LANCL3: variants seen among roughly 807,000 people sequenced by gnomAD.
The protein encoded by LANCL3 is lanC-like protein 3.
Under a neutral mutation model 26.5 loss-of-function variants are expected in LANCL3, and 19 were observed. That is an observed-to-expected ratio of 0.72 (90% CI 0.50 to 1.05). LANCL3 has a LOEUF of 1.05. Among genes scored for constraint, LANCL3 ranks in the 50% least tolerant of loss-of-function variants. LANCL3 has a pLI of 0.00. For missense variants in LANCL3, 318 were observed against 362.7 expected, an observed-to-expected ratio of 0.88 and a Z score of 1.00; for synonymous variants, 160 against 166.6, an observed-to-expected ratio of 0.96 and a Z score of 0.30.
Position 37,571,867 on chromosome X carries a change from C to T in LANCL3, c.-4C>T, listed in dbSNP as rs1255503403. On this transcript the variant is annotated 5_prime_UTR_variant, in exon 1 of 5. Transcript: ENST00000378619. ...GCTCCGCACTAGGGGGCACGGGCAACAGCATGGACACCAAGCGCTGCTTCG... is the reference window on the plus strand; with the variant it reads ...GCTCCGCACTAGGGGGCACGGGCAATAGCATGGACACCAAGCGCTGCTTCG... 3.2e-5 allele frequency: 38 copies of T among 1,198,091 alleles called. No homozygotes were observed. Among genetic ancestry groups the T allele is most frequent in the Non-Finnish European group, 4.2e-5 (37 of 889,030 alleles).
intron 1 of LANCL3, among the ~76,000 whole-genome samples, chrX:37,619,528 G>C (rs782621492): frequency 2.8e-5 from 3 of 108,694 alleles, no homozygotes; most frequent in Non-Finnish European, 3.8e-5. Flanking sequence ...TTTAAAAACT[G>C]TAAATTTTAG....
chrX:37,617,695 G>A (rs1015106777), intron 1 of LANCL3, among the ~76,000 whole-genome samples: 4 of 111,440 alleles, frequency 3.6e-5, no homozygotes, highest in African/African-American at 1.3e-4. Flanking sequence ...GAGCAAGTGC[G>A]TTTCAGTGGG....
intron 1 of LANCL3, among the ~76,000 whole-genome samples, chrX:37,631,482 G>A (rs1230647221): frequency 9.0e-6 from 1 of 110,994 alleles, no homozygotes; most frequent in Non-Finnish European, 1.9e-5. Flanking sequence ...GTTATTTCTT[G>A]CCTTCTGCTA....
intron 1 of LANCL3, among the ~76,000 whole-genome samples, chrX:37,628,486 G>T (rs1203770682): frequency 9.2e-6 from 1 of 108,823 alleles, no homozygotes; most frequent in African/African-American, 3.4e-5. Flanking sequence ...TAGGGTACAT[G>T]TGCACAATGT....
At chrX:37,578,681 A>C (rs1169396995) in intron 1 of LANCL3, among the ~76,000 whole-genome samples, 1 of 112,151 alleles carries the variant, frequency 8.9e-6, no homozygotes, top group Non-Finnish European at 1.9e-5. Flanking sequence ...GTCTTTATTT[A>C]TTAAAAATTT....
At chrX:37,673,547 G>A (rs782489286) in intron 4 of LANCL3, among the ~76,000 whole-genome samples, 1 of 110,274 alleles carries the variant, frequency 9.1e-6, no homozygotes, top group Non-Finnish European at 1.9e-5. Flanking sequence ...TTTTGACTGA[G>A]AACGTTTTAG....
chrX:37,653,975 G>A (rs949274907), intron 1 of LANCL3, among the ~76,000 whole-genome samples: 22 of 111,072 alleles, frequency 2.0e-4, no homozygotes, highest in African/African-American at 6.2e-4. Flanking sequence ...TACCTACTCT[G>A]CATTACTGTT....
At chrX:37,633,584 T>C (rs2146758738) in intron 1 of LANCL3, among the ~76,000 whole-genome samples, 1 of 111,139 alleles carries the variant, frequency 9.0e-6, no homozygotes, top group Admixed American at 9.5e-5. Context: ...TCTTTGATGA[T>C]GGTGATGTAC....
chrX:37,626,312 C>T (rs1925314145), intron 1 of LANCL3, among the ~76,000 whole-genome samples: 1 of 112,059 alleles, frequency 8.9e-6, no homozygotes, highest in African/African-American at 3.2e-5. Flanking sequence ...TAGCTCTTCA[C>T]TCCCACAACT....
At chrX:37,653,108 TAAG>T (rs1926197439) in intron 1 of LANCL3, among the ~76,000 whole-genome samples, 1 of 111,073 alleles carries the variant, frequency 9.0e-6, no homozygotes, top group Admixed American at 9.6e-5. Flanking sequence ...TTCTGAGAGA[TAAG>T]AGGAAACCAC....
intron 4 of LANCL3, among the ~76,000 whole-genome samples, chrX:37,671,369 T>G (rs1345249444): frequency 6.3e-5 from 7 of 111,663 alleles, no homozygotes; most frequent in Non-Finnish European, 1.3e-4. Context: ...TTTACCGTGG[T>G]CTTTTATATT....
intron 1 of LANCL3, among the ~76,000 whole-genome samples, chrX:37,622,859 G>T (rs1380257352): frequency 1.8e-5 from 2 of 111,790 alleles, no homozygotes; most frequent in African/African-American, 6.5e-5. Context: ...ACCTACTTTT[G>T]TCCTTACAAC....
At position 37,587,120 on chromosome X, in the gene LANCL3, G is replaced by A. The variant is rs782820729; in HGVS notation, c.573+14677G>A. On this transcript the variant is annotated intron_variant, in intron 1 of 4. Transcript: ENST00000378619. Reference sequence around the variant, plus strand: ...AGGCTGCAGAACAGCGAATATTGCTGAACAGCAAATGTTGCTGCCTGATTG... The same window carrying A: ...AGGCTGCAGAACAGCGAATATTGCTAAACAGCAAATGTTGCTGCCTGATTG... 4.4e-5 allele frequency among the ~76,000 whole-genome samples: 5 copies of A among 112,750 alleles called. No homozygotes were observed. The South Asian group carries it at 1.5e-3, about 33-fold the overall frequency.
chrX:37,580,419 C>T (rs782512510), intron 1 of LANCL3, among the ~76,000 whole-genome samples: 2 of 111,471 alleles, frequency 1.8e-5, no homozygotes, highest in South Asian at 3.8e-4. Flanking sequence ...AATTTTTTAT[C>T]TTTAATTCAC....
At chrX:37,577,506 T>C (rs4381098) in intron 1 of LANCL3, among the ~76,000 whole-genome samples, 30 of 112,623 alleles carry the variant, frequency 2.7e-4, no homozygotes, top group Middle Eastern at 4.6e-3. Context: ...GTGACAAAGT[T>C]ACAAGTACAA....
chrX:37,677,907 G>A lies in LANCL3; in HGVS notation c.*2094G>A, dbSNP rs1926853881. ...TCAAAGCTACCTTCTGTTTCCATTTGCTGTTCCTTTCACAATTCATCCTTG... is the reference window on the plus strand; with the variant it reads ...TCAAAGCTACCTTCTGTTTCCATTTACTGTTCCTTTCACAATTCATCCTTG... On this transcript the variant is annotated 3_prime_UTR_variant, in exon 5 of 5. Transcript: ENST00000378619. The A allele has an allele frequency of 8.9e-6, 1 of 111,758 alleles. No individual in the cohort carries two copies. The highest frequency in any genetic ancestry group is 3.2e-5 in the African/African-American group (1 of 30,827). 9.2% of individuals were successfully genotyped at this position (111,758 alleles called of 1,213,427 possible).
At chrX:37,644,643 T>C (rs1289346889) in intron 1 of LANCL3, among the ~76,000 whole-genome samples, 1 of 112,446 alleles carries the variant, frequency 8.9e-6, no homozygotes, top group Non-Finnish European at 1.9e-5. Flanking sequence ...CATTCCTCCA[T>C]GACTCAGACC....
At chrX:37,579,689 T>C (rs1923846074) in intron 1 of LANCL3, among the ~76,000 whole-genome samples, 1 of 112,028 alleles carries the variant, frequency 8.9e-6, no homozygotes, top group Non-Finnish European at 1.9e-5. Context: ...CATATATACA[T>C]ATATAATGTA....
chrX:37,597,944 T>C (rs1556419647), intron 1 of LANCL3, among the ~76,000 whole-genome samples: 2 of 110,773 alleles, frequency 1.8e-5, no homozygotes, highest in Non-Finnish European at 1.9e-5. Flanking sequence ...TTTCATGTGC[T>C]TATTGGCCAT....
Sources: gnomAD v4.1 joint callset for allele counts (sites outside exome capture counted in the v4.1 genomes callset) on GRCh38, gnomAD v4.1.1 for gene constraint, MANE v1.5 for transcripts, NCBI Gene and HGNC (gene_info 2026-07-23, HGNC 2026-07-21) for gene names.